CNOT4: variants seen among roughly 807,000 people sequenced by gnomAD.
The protein encoded by CNOT4 is CCR4-associated factor 4.
In CNOT4, 8 loss-of-function variants were observed where a neutral mutation model predicts 73.8. The observed-to-expected ratio is 0.11, with a 90% CI of 0.06 to 0.20. CNOT4 has a LOEUF of 0.20. CNOT4 is among the 10% of genes least tolerant of loss of function. The probability of loss-of-function intolerance (pLI) is 1.00; values close to 1 mark genes in which losing one functional copy is unlikely to be tolerated. For missense variants in CNOT4, 564 were observed against 883.4 expected (o/e 0.64, Z 4.58); for synonymous variants, 293 against 321.1 (o/e 0.91, Z 0.94).
intron 2 of CNOT4, among the ~76,000 whole-genome samples, chr7:135,437,934 AC>A (rs1439080034): frequency 6.6e-6 from 1 of 152,252 alleles, no homozygotes; most frequent in Non-Finnish European, 1.5e-5. Context: ...CAGAGAGGTT[AC>A]ATGACTTTAC....
intron 2 of CNOT4, among the ~76,000 whole-genome samples, chr7:135,424,375 T>C (rs1798374447): frequency 6.6e-6 from 1 of 152,220 alleles, no homozygotes; most frequent in South Asian, 2.1e-4. Flanking sequence ...GTGAACTATA[T>C]ATTAACTAAT....
In CNOT4 at chr7:135,364,703, C is replaced by T. The variant is rs1794821255; in HGVS notation, c.1628-637G>A. ...ACCTTCTAGATGGAATAATTTCCAA[C>T]ACAGTCTGCCTGCTCTACTCCAACA... is the stretch of plus-strand genomic sequence containing the variant. On this transcript the variant is annotated intron_variant, in intron 10 of 11. Transcript: ENST00000541284. The surrounding 1 kb of genome is among the most constrained non-coding windows in gnomAD (Gnocchi z 4.3). 6.6e-6 allele frequency among the ~76,000 whole-genome samples: 1 copy of T among 152,172 alleles called. No homozygotes were observed.
intron 1 of CNOT4, among the ~76,000 whole-genome samples, chr7:135,495,560 C>T (rs1585733245): frequency 7.0e-6 from 1 of 143,664 alleles, no homozygotes; most frequent in African/African-American, 2.6e-5. Flanking sequence ...CCTACAGTGC[C>T]AGCTACTTGG....
chr7:135,462,105 G>GA (rs1160180812), intron 1 of CNOT4, among the ~76,000 whole-genome samples: 3 of 150,764 alleles, frequency 2.0e-5, no homozygotes, highest in African/African-American at 7.3e-5. Context: ...TGAACAGAAG[G>GA]AAAAAAGGTG....
chr7:135,374,574 T>C (rs1029293681), intron 10 of CNOT4, among the ~76,000 whole-genome samples: 1 of 152,220 alleles, frequency 6.6e-6, no homozygotes, highest in Non-Finnish European at 1.5e-5. Flanking sequence ...CATTTAAATA[T>C]GCAAACGGAA....
At chr7:135,388,915 G>T in intron 10 of CNOT4, 2 of 1,611,072 alleles carry the variant, frequency 1.2e-6, no homozygotes, top group Non-Finnish European at 1.7e-6. Context: ...GTCAGTCATG[G>T]TCTAGTTATG....
At chr7:135,497,896 C>T (rs1803694246) in intron 1 of CNOT4, among the ~76,000 whole-genome samples, 1 of 152,186 alleles carries the variant, frequency 6.6e-6, no homozygotes, top group African/African-American at 2.4e-5. Flanking sequence ...TACAAGTGTA[C>T]TGAATTAATA....
chr7:135,465,255 C>A (rs1419272729), intron 1 of CNOT4, among the ~76,000 whole-genome samples: 2 of 152,068 alleles, frequency 1.3e-5, no homozygotes, highest in African/African-American at 2.4e-5. Flanking sequence ...ATATTTTTTT[C>A]TATTACTGTT....
intron 7 of CNOT4, among the ~76,000 whole-genome samples, chr7:135,407,565 A>C (rs1213321059): frequency 1.3e-5 from 2 of 152,236 alleles, no homozygotes. Flanking sequence ...TGCACTGTTT[A>C]GCCTAAGCAT....
At chr7:135,498,712 C>T (rs558758687) in intron 1 of CNOT4, among the ~76,000 whole-genome samples, 4 of 152,278 alleles carry the variant, frequency 2.6e-5, no homozygotes, top group African/African-American at 9.6e-5. Context: ...CCATGCCCGG[C>T]TAATTTTTCT....
chr7:135,499,578 C>T (rs1480908484), intron 1 of CNOT4, among the ~76,000 whole-genome samples: 4 of 151,986 alleles, frequency 2.6e-5, no homozygotes, highest in African/African-American at 4.8e-5. Flanking sequence ...AACAGGGAGT[C>T]GTTTTCTCCT....
chr7:135,491,647 A>C (rs1803118556), intron 1 of CNOT4, among the ~76,000 whole-genome samples: 1 of 152,346 alleles, frequency 6.6e-6, no homozygotes, highest in African/African-American at 2.4e-5. Flanking sequence ...AATTAGGACA[A>C]GTGCATTTAG....
chr7:135,372,897 C>T (rs909095188), intron 10 of CNOT4, among the ~76,000 whole-genome samples: 68 of 152,154 alleles, frequency 4.5e-4, no homozygotes, highest in African/African-American at 1.4e-3. Flanking sequence ...AAAAAAAGAT[C>T]GGGAAAAGGA....
intron 2 of CNOT4, among the ~76,000 whole-genome samples, chr7:135,422,760 C>T (rs997405550): frequency 6.6e-6 from 1 of 152,102 alleles, no homozygotes; most frequent in Non-Finnish European, 1.5e-5. Context: ...TTAATGAAAA[C>T]CTACTATGTG....
At chr7:135,376,580 A>G (rs2129482756) in intron 10 of CNOT4, among the ~76,000 whole-genome samples, 2 of 152,318 alleles carry the variant, frequency 1.3e-5, no homozygotes, top group South Asian at 4.1e-4. Flanking sequence ...TTATATACCT[A>G]TTGAAATTCC....
intron 1 of CNOT4, among the ~76,000 whole-genome samples, chr7:135,443,367 A>G (rs947689285): frequency 3.8e-4 from 58 of 151,834 alleles, no homozygotes; most frequent in African/African-American, 1.2e-3. Context: ...AAAAAAAAAA[A>G]AGCCTTTTCA....
intron 1 of CNOT4, among the ~76,000 whole-genome samples, chr7:135,451,642 T>C (rs1465717692): frequency 2.6e-5 from 4 of 152,150 alleles, no homozygotes; most frequent in Non-Finnish European, 5.9e-5. Context: ...TACATATGTA[T>C]AGTATAAGCA....
intron 1 of CNOT4, among the ~76,000 whole-genome samples, chr7:135,469,308 A>G (rs181303700): frequency 3.3e-5 from 5 of 152,364 alleles, no homozygotes; most frequent in Admixed American, 3.3e-4. Context: ...GGAATCAGAC[A>G]TATTTAGTAT....
At chr7:135,374,712 A>C (rs1222044647) in intron 10 of CNOT4, among the ~76,000 whole-genome samples, 1 of 152,238 alleles carries the variant, frequency 6.6e-6, no homozygotes, top group African/African-American at 2.4e-5. Flanking sequence ...ATAATCACAT[A>C]GTTCTTTCAT....
Sources: allele counts gnomAD v4.1 joint callset (sites outside exome capture counted in the v4.1 genomes callset), GRCh38; gene constraint gnomAD v4.1.1; non-coding constraint Gnocchi (gnomAD v3.1); transcripts MANE v1.5; gene names NCBI Gene and HGNC (gene_info 2026-07-23, HGNC 2026-07-21).